The following GGCT variants were observed in gnomAD, a reference collection of about 807,000 sequenced individuals.
The protein encoded by GGCT is gamma-glutamylcyclotransferase.
A neutral mutation model predicts 22.1 loss-of-function variants in GGCT; 20 were observed. The ratio of observed to expected loss-of-function variants is 0.91; its 90% CI spans 0.64 to 1.32. The LOEUF (loss-of-function observed/expected upper bound fraction) is 1.32, where lower values mean the gene tolerates loss of function less well. Among genes scored for constraint, GGCT ranks in the 40% most tolerant of loss-of-function variants. The pLI, the probability that GGCT is intolerant of heterozygous loss-of-function variation, is 0.00. For synonymous variants in GGCT, 72 were observed against 78.4 expected, an observed-to-expected ratio of 0.92 and a Z score of 0.43; for missense variants, 209 against 223.5, an observed-to-expected ratio of 0.94 and a Z score of 0.41.
Position 30,504,559 on chromosome 7 carries a change from G to A in GGCT, c.141+10C>T, listed in dbSNP as rs765389359. 6.2e-7 allele frequency: 1 copy of A among 1,613,012 alleles called. No individual in the cohort carries two copies. The highest frequency in any genetic ancestry group is 1.3e-5 in the African/African-American group (1 of 74,950). On this transcript the variant is annotated intron_variant, in intron 1 of 3. Coordinates refer to ENST00000275428, the MANE Select transcript of GGCT (RefSeq NM_024051.4). ...GCCCCGGCGTGGGTAGCGCGGGAGG[G>A]GGCACTCACCTGCAGGCGGGCCACA...
chr7:30,497,503 A>G (rs1789576291), intron 3 of GGCT: 1 of 375,524 alleles, frequency 2.7e-6, no homozygotes, highest in African/African-American at 2.1e-5. Flanking sequence ...TATTAAGACA[A>G]ACATATCTAT....
chr7:30,504,460 C>T, intron 1 of GGCT, 109 bp downstream of exon 1: 1 of 1,291,896 alleles, frequency 7.7e-7, no homozygotes, highest in Non-Finnish European at 1.1e-6. Flanking sequence ...TCCTAGTACC[C>T]TCATCAAGAA....
intron 1 of GGCT, among the ~76,000 whole-genome samples, chr7:30,503,707 T>C (rs1278086385): frequency 6.6e-6 from 1 of 151,936 alleles, no homozygotes; most frequent in Non-Finnish European, 1.5e-5. Context: ...CCTTTATGCT[T>C]GTCCGTTTTG....
In GGCT at chr7:30,498,831, C is replaced by G. The variant is rs767231584; in HGVS notation, c.395G>C (p.Ser132Thr). ...TTTATACTGTGGGGATGGGGGAGCA[C>G]TTTCGTAATTTGTCATCAGATAACT... The part of the protein sequence containing the change: ...CRSYLMTNYE[S>T]APPSPQYKKI... The change falls in exon 3 of 4, where the codon AGT becomes ACT. Residue 132 changes from serine (S) to threonine (T), a missense_variant. Coordinates refer to ENST00000275428, the MANE Select transcript of GGCT (RefSeq NM_024051.4). 2.5e-6 allele frequency: 4 copies of G among 1,613,596 alleles called. No homozygotes were observed. In the South Asian group the frequency reaches 3.3e-5, roughly 13 times the overall value.
At chr7:30,497,864 T>C in intron 3 of GGCT, 1 of 1,450,562 alleles carries the variant, frequency 6.9e-7, no homozygotes, top group Non-Finnish European at 9.2e-7. Context: ...ATTTCCCTGA[T>C]TCTGAAAGGC....
At chr7:30,498,005 G>C in intron 3 of GGCT, 2 of 140,936 alleles carry the variant, frequency 1.4e-5, no homozygotes, top group Non-Finnish European at 1.6e-5. Flanking sequence ...CATTACAAAA[G>C]CATATATATA....
intron 3 of GGCT, chr7:30,497,944 T>G (rs1347850879): frequency 3.7e-6 from 4 of 1,088,922 alleles, no homozygotes; most frequent in Non-Finnish European, 4.9e-6. Context: ...TTTTTTCCCC[T>G]ATAAAAATGA....
Position 30,498,789 on chromosome 7 carries a change from T to A in GGCT, c.423+14A>T. The A allele has an allele frequency of 1.2e-6, 2 of 1,605,756 alleles. No individual in the cohort carries two copies. Among genetic ancestry groups the A allele is most frequent in the African/African-American group, 1.3e-5 (1 of 74,750 alleles). Reference sequence around the variant, plus strand: ...ATTTAAAAAGTAATCACCACCAGTCTGTAAATAGCTTACCTTTTTATACTG... The same window carrying A: ...ATTTAAAAAGTAATCACCACCAGTCAGTAAATAGCTTACCTTTTTATACTG... On this transcript the variant is annotated intron_variant, in intron 3 of 3. Coordinates refer to ENST00000275428, the MANE Select transcript of GGCT (RefSeq NM_024051.4).
chr7:30,497,086 T>C lies in GGCT; in HGVS notation c.*6A>G, dbSNP rs1365801754. 6 of 1,566,096 alleles carry C rather than the reference T, an allele frequency of 3.8e-6. No homozygotes were observed. The Admixed American group carries it at 6.9e-5, about 18-fold the overall frequency. ...TAGAATACCCTTAGATATATTCTGT[T>C]ATGTTCTAAAGAGTTTGTGTTTCCC... On this transcript the variant is annotated 3_prime_UTR_variant, in exon 4 of 4. Coordinates refer to ENST00000275428, the MANE Select transcript of GGCT (RefSeq NM_024051.4).
intron 1 of GGCT, among the ~76,000 whole-genome samples, 199 bp downstream of exon 1, chr7:30,504,370 G>A (rs1424312365): frequency 6.6e-6 from 1 of 152,280 alleles, no homozygotes; most frequent in African/African-American, 2.4e-5. Context: ...CAGGCAGCCC[G>A]AGAGGGCACC....
chr7:30,498,020 T>G (rs1789596211), intron 3 of GGCT: 1 of 224,006 alleles, frequency 4.5e-6, no homozygotes, highest in South Asian at 1.3e-4. Context: ...TATATATATA[T>G]ATAGATACAC....
At chr7:30,501,902 A>G (rs906296988) in intron 1 of GGCT, among the ~76,000 whole-genome samples, 18 of 152,248 alleles carry the variant, frequency 1.2e-4, no homozygotes, top group African/African-American at 4.3e-4. Context: ...CTAGGACCAC[A>G]TGTCCCTGGC....
At chr7:30,497,822 TC>T in intron 3 of GGCT, 1 of 1,454,224 alleles carries the variant, frequency 6.9e-7, no homozygotes, top group South Asian at 1.4e-5. Flanking sequence ...GGGGTCTCTA[TC>T]CCACATTCTT....
intron 2 of GGCT, among the ~76,000 whole-genome samples, chr7:30,499,645 G>A (rs1175571851): frequency 6.6e-6 from 1 of 151,986 alleles, no homozygotes; most frequent in Non-Finnish European, 1.5e-5. Context: ...CCGGGAGGCA[G>A]AGGTTGGGGT....
At chr7:30,498,188 AAG>A (rs1043629458) in intron 3 of GGCT, among the ~76,000 whole-genome samples, 3 of 150,896 alleles carry the variant, frequency 2.0e-5, no homozygotes, top group Non-Finnish European at 4.4e-5. Flanking sequence ...AGGCAAAAGA[AAG>A]AAAGAAAGAG....
chr7:30,498,843 G>A lies in GGCT; in HGVS notation c.383C>T (p.Thr128Ile), dbSNP rs1264939531. ...KEITCRSYLM[T>I]NYESAPPSPQ... ...GGATGGGGGAGCACTTTCGTAATTT[G>A]TCATCAGATAACTTCGACAGGTTAT... Residue 128 changes from threonine (T) to isoleucine (I), a missense_variant, in exon 3 of 4, where the codon ACA becomes ATA. Transcript: ENST00000275428. 6.2e-7 allele frequency: 1 copy of A among 1,613,160 alleles called. No homozygotes were observed. The highest frequency in any genetic ancestry group is 1.7e-5 in the Admixed American group (1 of 60,014).
chr7:30,498,712 T>A (rs1205477050), intron 3 of GGCT, 91 bp downstream of exon 3: 1 of 1,171,108 alleles, frequency 8.5e-7, no homozygotes, highest in Non-Finnish European at 1.2e-6. Context: ...AGCCACCACG[T>A]TGGGCCTAAA....
intron 2 of GGCT, 60 bp downstream of exon 2, chr7:30,500,476 T>G: frequency 7.4e-7 from 1 of 1,357,788 alleles, no homozygotes; most frequent in Non-Finnish European, 1.0e-6. Flanking sequence ...GTACACATCC[T>G]CACATACAAT....
At chr7:30,502,886 G>A (rs1226983274) in intron 1 of GGCT, among the ~76,000 whole-genome samples, 3 of 99,050 alleles carry the variant, frequency 3.0e-5, no homozygotes, top group Admixed American at 1.1e-4. Flanking sequence ...GACCAGAATG[G>A]GCTTTTGGAG....
Sources: gnomAD v4.1 joint callset for allele counts (sites outside exome capture counted in the v4.1 genomes callset) on GRCh38, gnomAD v4.1.1 for gene constraint, MANE v1.5 for transcripts, NCBI Gene and HGNC (gene_info 2026-07-23, HGNC 2026-07-21) for gene names.